Variants in ZNF436 observed in about 807,000 individuals in gnomAD.
The protein encoded by ZNF436 is zinc finger protein 436.
A neutral mutation model predicts 41.9 loss-of-function variants in ZNF436; 22 were observed. The ratio of observed to expected loss-of-function variants is 0.53; its 90% confidence interval spans 0.38 to 0.75. ZNF436 has a LOEUF of 0.75. Ranked by LOEUF, ZNF436 falls within the 30% of genes least tolerant of loss-of-function variation. ZNF436 has a pLI of 0.00. For missense variants in ZNF436, 506 were observed against 587.3 expected (o/e 0.86, Z 1.43); for synonymous variants, 217 against 197.8 (o/e 1.10, Z -0.82).
chr1:23,363,698 G>A (rs1257899643), intron 3 of ZNF436, among the ~76,000 whole-genome samples: 3 of 152,086 alleles, frequency 2.0e-5, no homozygotes, highest in Non-Finnish European at 4.4e-5. Flanking sequence ...TCAAACTCAG[G>A]TCTGTCAAAA....
Position 23,369,827 on chromosome 1 carries a change from G to A in ZNF436, c.-522C>T. 3.2e-6 allele frequency: 1 copy of A among 315,408 alleles called. No homozygotes were observed. Among genetic ancestry groups the A allele is most frequent in the Admixed American group, 4.3e-5 (1 of 23,088 alleles). 19.5% of individuals were successfully genotyped at this position (315,408 alleles called of 1,614,324 possible). ...GAGCTCCCAGCTCGCTGTAGCCTTGGAGAGGGAAGTGATGGAAAAAGAATA... is the reference window on the plus strand; with the variant it reads ...GAGCTCCCAGCTCGCTGTAGCCTTGAAGAGGGAAGTGATGGAAAAAGAATA... On this transcript the variant is annotated 5_prime_UTR_variant, in exon 1 of 4. Coordinates refer to ENST00000314011, the MANE Select transcript of ZNF436 (RefSeq NM_001077195.2).
In ZNF436 at chr1:23,369,773, TG is replaced by T; in HGVS notation, c.-469del. The stretch of plus-strand genomic sequence containing the variant: ...GAATTAGACAATGGAAGTCGAGCAC[TG>T]GGGAAAGCAGGCATTCTGCGTGGGG... On this transcript the variant is annotated 5_prime_UTR_variant, in exon 1 of 4. An upstream open reading frame in the 5' UTR gains an earlier in-frame stop. Transcript: ENST00000314011. 2.9e-6 allele frequency: 1 copy of T among 339,970 alleles called. No individual in the cohort carries two copies. The highest frequency in any genetic ancestry group is 2.3e-5 in the South Asian group (1 of 42,784). The allele number at this position is 339,970 out of a possible 1,614,324, so 21.1% of individuals were successfully genotyped here.
rs2849028 is a variant in ZNF436, at chr1:23,362,440, A to C, written c.942T>G (p.Asn314Lys). ...RPYKCDECGK[N>K]FSQNSDLVRH... Reference sequence around the variant, plus strand: ...GCACAAGGTCGGAGTTCTGACTGAAATTCTTCCCACACTCATCACACTTGT... The same window carrying C: ...GCACAAGGTCGGAGTTCTGACTGAACTTCTTCCCACACTCATCACACTTGT... The change falls in exon 4 of 4, where the codon AAT becomes AAG. Residue 314 changes from asparagine to lysine, a missense_variant. Physicochemically the swap from Asn to Lys is moderately conservative, Grantham distance 94. Transcript: ENST00000314011. The C allele has an allele frequency of 2.5e-6, 4 of 1,613,838 alleles. No homozygotes were observed. The highest frequency in any genetic ancestry group is 3.4e-6 in the Non-Finnish European group (4 of 1,180,010).
intron 2 of ZNF436, among the ~76,000 whole-genome samples, chr1:23,367,456 G>A (rs1273350090): frequency 7.9e-5 from 12 of 152,132 alleles, no homozygotes; most frequent in Non-Finnish European, 8.8e-5. Flanking sequence ...TACTCATAAT[G>A]TTCCTCTTTT....
intron 2 of ZNF436, 110 bp from the exon 3 acceptor site, chr1:23,367,278 T>A: frequency 8.1e-7 from 1 of 1,238,310 alleles, no homozygotes; most frequent in Non-Finnish European, 1.1e-6. Flanking sequence ...ACCTATAGAG[T>A]CCAAATAAGA....
Position 23,367,135 on chromosome 1 carries a change from G to C in ZNF436, c.67C>G (p.Leu23Val). The C allele has an allele frequency of 1.2e-6, 2 of 1,613,320 alleles. No individual in the cohort carries two copies. Among genetic ancestry groups the C allele is most frequent in the Non-Finnish European group, 1.7e-6 (2 of 1,179,576 alleles). Residue 23 changes from leucine to valine, a missense_variant, in exon 3 of 4, where the codon CTC (leucine) becomes GTC (valine). Physicochemically the swap from Leu to Val is conservative, Grantham distance 32. Around this residue, in one of 2 missense-constraint regions of ZNF436, gnomAD observed 228 missense variants for 215.1 expected, o/e 1.06. Coordinates refer to ENST00000314011, the MANE Select transcript of ZNF436 (RefSeq NM_001077195.2). ...PVTFEDMAMY[L>V]TREEWRPLDA... ...AGAGGTCTCCATTCTTCCCGGGTGAGATACATGGCCATATCTTCAAACGTC... is the reference window on the plus strand; with the variant it reads ...AGAGGTCTCCATTCTTCCCGGGTGACATACATGGCCATATCTTCAAACGTC...
Position 23,365,564 on chromosome 1 carries a change from A to G in ZNF436, c.160+1478T>C, listed in dbSNP as rs1638341652. On this transcript the variant is annotated intron_variant, in intron 3 of 3. Coordinates refer to ENST00000314011, the MANE Select transcript of ZNF436 (RefSeq NM_001077195.2). ...CCCCGTCTCCACTAAAAATACAAAA[A>G]TTAGCTGAGCGTGGTGGCATGCACC... Among the ~76,000 whole-genome samples, 4 of 151,694 alleles carry G rather than the reference A, an allele frequency of 2.6e-5. No homozygotes were observed. The South Asian group carries it at 8.4e-4, about 32-fold the overall frequency.
intron 2 of ZNF436, 36 bp from the exon 3 acceptor site, chr1:23,367,204 T>G: frequency 3.2e-6 from 5 of 1,546,050 alleles, no homozygotes; most frequent in Non-Finnish European, 4.4e-6. Flanking sequence ...TATTCTGTAT[T>G]TAGGACTTCT....
rs370904620 is a variant in ZNF436, at chr1:23,368,009, G to A, written c.-4C>T. ...CCATGAGCAGGGTGGCTGCCATCTC[G>A]AGCACAAGGGTTCGCCTCCAGGGAG... On this transcript the variant is annotated 5_prime_UTR_variant, in exon 2 of 4. Transcript: ENST00000314011. The A allele has an allele frequency of 3.7e-6, 6 of 1,613,958 alleles. No homozygotes were observed. In the African/African-American group the frequency reaches 5.3e-5, roughly 14 times the overall value.
At chr1:23,368,750 A>G (rs1000844257) in intron 1 of ZNF436, among the ~76,000 whole-genome samples, 4 of 152,148 alleles carry the variant, frequency 2.6e-5, no homozygotes, top group Admixed American at 1.3e-4. Flanking sequence ...AGGCCAATTT[A>G]GGCGCTGGCC....
rs777961998 is a variant in ZNF436 at position 23,362,032 on chromosome 1, T to G, written c.1350A>C (p.Glu450Asp). 6 of 1,614,062 alleles carry G rather than the reference T, an allele frequency of 3.7e-6. No individual in the cohort carries two copies. Among genetic ancestry groups the G allele is most frequent in the Non-Finnish European group, 3.4e-6 (4 of 1,180,012 alleles). Residue 450 changes from glutamate (E) to aspartate (D), a missense_variant, in exon 4 of 4, where the codon GAA becomes GAC. Around this residue, in one of 2 missense-constraint regions of ZNF436, gnomAD observed 278 missense variants for 372.1 expected, o/e 0.75. Coordinates refer to ENST00000314011, the MANE Select transcript of ZNF436 (RefSeq NM_001077195.2). ...AGCTCCTGCTGAAACTCTTCTCACATTCGGTACATTCATAAGGTTTCTCTC... is the reference window on the plus strand; with the variant it reads ...AGCTCCTGCTGAAACTCTTCTCACAGTCGGTACATTCATAAGGTTTCTCTC... ...HTGEKPYECTECEKSFSRSSA... is the reference protein window; with the variant it reads ...HTGEKPYECTDCEKSFSRSSA...
chr1:23,363,292 A>AT, intron 3 of ZNF436, 71 bp from the exon 4 acceptor site: 4 of 1,372,306 alleles, frequency 2.9e-6, no homozygotes, highest in African/African-American at 1.5e-5. Context: ...CACTATACTA[A>AT]ATTTTTTTTT....
rs2148526940 is a variant in ZNF436 at position 23,360,604 on chromosome 1, T to TCCTA, written c.*1361_*1364dup. The TCCTA allele has an allele frequency of 6.6e-6, 1 of 152,618 alleles. No individual in the cohort carries two copies. The highest frequency in any genetic ancestry group is 1.9e-4 in the East Asian group (1 of 5,190). The allele number at this position is 152,618 out of a possible 1,614,324, so 9.5% of individuals were successfully genotyped here. Reference sequence around the variant, plus strand: ...GTAGGGTGGGAGGATGGAAATACATTCCTACCGAGGTTCGTTAATTCCTTC... The same window carrying TCCTA: ...GTAGGGTGGGAGGATGGAAATACATTCCTACCTACCGAGGTTCGTTAATTCCTTC... On this transcript the variant is annotated 3_prime_UTR_variant, in exon 4 of 4. Transcript: ENST00000314011.
chr1:23,369,237 C>T (rs1638441672), intron 1 of ZNF436, 129 bp downstream of exon 1: 2 of 433,180 alleles, frequency 4.6e-6, no homozygotes, highest in South Asian at 1.8e-5. Context: ...GGGCTCCCAG[C>T]GGCCTCCCGC....
chr1:23,364,034 CCT>C (rs1297648238), intron 3 of ZNF436, among the ~76,000 whole-genome samples: 2 of 145,592 alleles, frequency 1.4e-5, no homozygotes, highest in Admixed American at 6.9e-5. Flanking sequence ...AGAACGAGAC[CCT>C]GTCTCTTAAA....
chr1:23,367,111 G>C lies in ZNF436; in HGVS notation c.91C>G (p.Leu31Val). Residue 31 changes from leucine to valine, a missense_variant, in exon 3 of 4, where the codon CTG (leucine) becomes GTG (valine). Leu to Val is a conservative substitution (Grantham distance 32, BLOSUM62 1). Transcript: ENST00000314011. ...MYLTREEWRP[L>V]DAAQRDLYRD... ...TAAAGGTCCCTCTGTGCAGCGTCCA[G>C]AGGTCTCCATTCTTCCCGGGTGAGA... 6 of 1,613,838 alleles carry C rather than the reference G, an allele frequency of 3.7e-6. No homozygotes were observed. Among genetic ancestry groups the C allele is most frequent in the Non-Finnish European group, 5.1e-6 (6 of 1,179,860 alleles).
Position 23,362,675 on chromosome 1 carries a change from TGA to T in ZNF436, c.705_706del (p.His236ProfsTer11). On this transcript the variant is annotated frameshift_variant, in exon 4 of 4. Coordinates refer to ENST00000314011, the MANE Select transcript of ZNF436 (RefSeq NM_001077195.2). LOFTEE classifies it high-confidence loss of function. ...GTGGGTCCTTTGGTGTTGGATTAGG[TGA>T]GAGAGACGGCAGAAACTTTTTCCAC... is the stretch of plus-strand genomic sequence containing the variant. 3.1e-6 allele frequency: 5 copies of T among 1,614,190 alleles called. No homozygotes were observed. The highest frequency in any genetic ancestry group is 4.2e-6 in the Non-Finnish European group (5 of 1,180,038).
Position 23,366,209 on chromosome 1 carries a change from T to G in ZNF436, c.160+833A>C, listed in dbSNP as rs572038033. Among the ~76,000 whole-genome samples the G allele has an allele frequency of 4.2e-4, 64 of 152,284 alleles. No individual in the cohort carries two copies. The South Asian group carries it at 0.013, about 30-fold the overall frequency. On this transcript the variant is annotated intron_variant, in intron 3 of 3. Coordinates refer to ENST00000314011, the MANE Select transcript of ZNF436 (RefSeq NM_001077195.2). The stretch of plus-strand genomic sequence containing the variant: ...TAGGGACATCAGAGAAAGCTCAAGT[T>G]AAAAAGGAAAGCCCTCAGAGTTGCC...
chr1:23,361,343 AG>A lies in ZNF436; in HGVS notation c.*625del, dbSNP rs1380545946. The A allele has an allele frequency of 6.5e-6, 1 of 152,682 alleles. No individual in the cohort carries two copies. Among genetic ancestry groups the A allele is most frequent in the Non-Finnish European group, 1.5e-5 (1 of 68,080 alleles). The allele number at this position is 152,682 out of a possible 1,614,324, so 9.5% of individuals were successfully genotyped here. A position where few individuals can be genotyped will look rare whatever the true frequency, so the allele number is the denominator to read the frequency against. Reference sequence around the variant, plus strand: ...TTCCTTTCCAACCGTATCTTCAGTTAGCCTTCACAAAGATGCAAGCTTTAAA... The same window carrying A: ...TTCCTTTCCAACCGTATCTTCAGTTACCTTCACAAAGATGCAAGCTTTAAA... On this transcript the variant is annotated 3_prime_UTR_variant, in exon 4 of 4. Coordinates refer to ENST00000314011, the MANE Select transcript of ZNF436 (RefSeq NM_001077195.2).
Sources: allele counts gnomAD v4.1 joint callset (sites outside exome capture counted in the v4.1 genomes callset), GRCh38; gene constraint gnomAD v4.1.1; regional missense constraint gnomAD v4.1.1; transcripts MANE v1.5; gene names NCBI Gene and HGNC (gene_info 2026-07-23, HGNC 2026-07-21).